Variants in MMP8 observed in about 807,000 individuals in gnomAD.
The protein encoded by MMP8 is matrix metallopeptidase 8, also known as neutrophil collagenase.
MMP8 carries 67 observed loss-of-function variants against 51.2 expected under a neutral mutation model. The observed-to-expected ratio is 1.31, with a 90% CI of 1.08 to 1.60. The LOEUF (loss-of-function observed/expected upper bound fraction) is 1.60. Among genes scored for constraint, MMP8 ranks in the 40% most tolerant of loss-of-function variants. MMP8 has a pLI of 0.00. For synonymous variants in MMP8, 225 were observed against 191.0 expected (o/e 1.18, Z -1.47); for missense variants, 654 against 558.1 (o/e 1.17, Z -1.73).
rs1402163068 is a variant in MMP8 at position 102,712,481 on chromosome 11, G to A, written c.*867C>T. 1 of 152,232 alleles carries A rather than the reference G, an allele frequency of 6.6e-6. No homozygotes were observed. Among genetic ancestry groups the A allele is most frequent in the Non-Finnish European group, 1.5e-5 (1 of 68,074 alleles). The allele number at this position is 152,232 out of a possible 1,614,324, so 9.4% of individuals were successfully genotyped here. On this transcript the variant is annotated 3_prime_UTR_variant, in exon 10 of 10. Coordinates refer to ENST00000236826, the MANE Select transcript of MMP8 (RefSeq NM_002424.3). ...AGGAAATTTATTCCCTCACGGTTTT[G>A]GAGGATAGAAGTCCGAATTCTGCAG... is the stretch of plus-strand genomic sequence containing the variant.
At chr11:102,722,912 G>T in intron 1 of MMP8, 2 of 1,085,704 alleles carry the variant, frequency 1.8e-6, no homozygotes, top group Non-Finnish European at 2.6e-6. Flanking sequence ...TAAGGGATGA[G>T]GATCACATCA....
intron 7 of MMP8, 89 bp downstream of exon 7, chr11:102,715,215 C>T (rs192319533): frequency 6.9e-5 from 102 of 1,470,056 alleles, no homozygotes; most frequent in Non-Finnish European, 9.1e-5. Flanking sequence ...CTGTCATTAG[C>T]TCACCATGAA....
chr11:102,721,890 G>A, intron 2 of MMP8, 128 bp from the exon 3 acceptor site: 2 of 1,084,464 alleles, frequency 1.8e-6, no homozygotes, highest in South Asian at 1.6e-5. Flanking sequence ...TAAGGAGGGA[G>A]TGCAGGTCTC....
rs370992388 is a variant in MMP8 at position 102,715,385 on chromosome 11, A to G, written c.955T>C (p.Ser319Pro). ...QLQRVEMNFI[S>P]LFWPSLPTGI... is the part of the protein sequence containing the mutation. ...GTTGGAAGGGATGGCCAGAATAGAGAAATAAAATTCATTTCGACTCTTTGT... is the reference window on the plus strand; with the variant it reads ...GTTGGAAGGGATGGCCAGAATAGAGGAATAAAATTCATTTCGACTCTTTGT... Residue 319 changes from serine (S) to proline (P), a missense_variant, in exon 7 of 10, where the codon TCT becomes CCT. Physicochemically the swap from Ser to Pro is moderately conservative, Grantham distance 74. Coordinates refer to ENST00000236826, the MANE Select transcript of MMP8 (RefSeq NM_002424.3). 23 of 1,613,608 alleles carry G rather than the reference A, an allele frequency of 1.4e-5. No homozygotes were observed. The African/African-American group carries it at 2.7e-4, about 19-fold the overall frequency.
Position 102,713,328 on chromosome 11 carries a change from C to A in MMP8, c.*20G>T, listed in dbSNP as rs1591669931. ...CCCTTCAACATTCTGAAAGTGGATA[C>A]AGCCACATTTGATTTTGCTTCAGCC... On this transcript the variant is annotated 3_prime_UTR_variant, in exon 10 of 10. Transcript: ENST00000236826. 6.5e-7 allele frequency: 1 copy of A among 1,535,100 alleles called. No homozygotes were observed. Among genetic ancestry groups the A allele is most frequent in the Non-Finnish European group, 9.0e-7 (1 of 1,108,724 alleles).
chr11:102,721,148 C>G (rs1254052960), intron 4 of MMP8, among the ~76,000 whole-genome samples: 2 of 152,080 alleles, frequency 1.3e-5, no homozygotes. Flanking sequence ...CAGGATTTGG[C>G]CGTAGTCTGT....
At position 102,713,782 on chromosome 11, in the gene MMP8, A is replaced by C. The variant is rs1299742620; in HGVS notation, c.1266T>G (p.Ser422Arg). ...SISGAFPGIE[S>R]KVDAVFQQEH... ...CTTGCTGGAAAACTGCATCAACTTTACTCTCTATTCCTGGAAAGGCACCTG... is the reference window on the plus strand; with the variant it reads ...CTTGCTGGAAAACTGCATCAACTTTCCTCTCTATTCCTGGAAAGGCACCTG... The change falls in exon 9 of 10, where the codon AGT becomes AGG. Residue 422 changes from serine (S) to arginine (R), a missense_variant. Physicochemically the swap from Ser to Arg is moderately radical, Grantham distance 110 (BLOSUM62 -1). Transcript: ENST00000236826. 1 of 1,608,340 alleles carries C rather than the reference A, an allele frequency of 6.2e-7. No homozygotes were observed. The highest frequency in any genetic ancestry group is 1.7e-5 in the Admixed American group (1 of 59,146).
rs1443210350 is a variant in MMP8, at chr11:102,715,404, T to C, written c.936A>G (p.Arg312=). ...ATAGAGAAATAAAATTCATTTCGAC[T>C]CTTTGTAGCTGAGGATGCCTTCTCC... The part of the protein sequence containing the change: ...YFWRRHPQLQ[R]VEMNFISLFW... The change falls in exon 7 of 10, where the codon AGA becomes AGG. Residue 312 remains arginine (R), a synonymous_variant. Transcript: ENST00000236826. 3 of 1,613,694 alleles carry C rather than the reference T, an allele frequency of 1.9e-6. No individual in the cohort carries two copies. Among genetic ancestry groups the C allele is most frequent in the Non-Finnish European group, 2.5e-6 (3 of 1,179,780 alleles).
In MMP8 at chr11:102,724,740, G is replaced by A. The variant is rs1383750688; in HGVS notation, c.102+14C>T. ...TCAGCAAATCAAACATCACCTAACTGATAGTTCATTTACCTGAACAGTTTT... is the reference window on the plus strand; with the variant it reads ...TCAGCAAATCAAACATCACCTAACTAATAGTTCATTTACCTGAACAGTTTT... On this transcript the variant is annotated intron_variant, in intron 1 of 9. Coordinates refer to ENST00000236826, the MANE Select transcript of MMP8 (RefSeq NM_002424.3). 1 of 1,576,164 alleles carries A rather than the reference G, an allele frequency of 6.3e-7. No homozygotes were observed. The highest frequency in any genetic ancestry group is 2.3e-5 in the East Asian group (1 of 44,126).
Position 102,718,584 on chromosome 11 carries a change from C to T in MMP8, c.623-9G>A. 6.2e-7 allele frequency: 1 copy of T among 1,613,714 alleles called. No homozygotes were observed. The highest frequency in any genetic ancestry group is 8.5e-7 in the Non-Finnish European group (1 of 1,179,756). ...AAGAAACAAGTTGTAATCTGAAATG[C>T]AAACACGGGTGGTAAACAGCTCAGT... is the stretch of plus-strand genomic sequence containing the variant. On this transcript the variant is annotated splice_polypyrimidine_tract_variant and intron_variant, in intron 4 of 9. Coordinates refer to ENST00000236826, the MANE Select transcript of MMP8 (RefSeq NM_002424.3).
At chr11:102,718,390 A>G (rs1457740286) in intron 5 of MMP8, 24 bp downstream of exon 5, 1 of 1,598,512 alleles carries the variant, frequency 6.3e-7, no homozygotes, top group Non-Finnish European at 8.5e-7. Context: ...ACCATGTACT[A>G]TGACTCTCTT....
Position 102,718,102 on chromosome 11 carries a change from ATCC to A in MMP8, c.784+309_784+311del, listed in dbSNP as rs1244494166. On this transcript the variant is annotated intron_variant, in intron 5 of 9. Transcript: ENST00000236826. Reference sequence around the variant, plus strand: ...AGCCTGGGCAACAGAGTGAGACTCCATCCCCCCCCCCAAAAAAAATTTAAAATT... The same window carrying A: ...AGCCTGGGCAACAGAGTGAGACTCCACCCCCCCCAAAAAAAATTTAAAATT... 2.4e-4 allele frequency among the ~76,000 whole-genome samples: 10 copies of A among 41,788 alleles called. No homozygotes were observed. The East Asian group carries it at 0.029, about 121-fold the overall frequency. The allele number at this position is 41,788 out of a possible 152,430, so 27.4% of individuals were successfully genotyped here. A position where few individuals can be genotyped will look rare whatever the true frequency, so the allele number is the denominator to read the frequency against.
At position 102,723,523 on chromosome 11, in the gene MMP8, G is replaced by A. The variant is rs761944146; in HGVS notation, c.103-850C>T. The A allele has an allele frequency of 9.8e-4, 445 of 456,020 alleles. 4 individuals carry two copies. Among genetic ancestry groups the A allele is most frequent in the Non-Finnish European group, 1.8e-4 (40 of 226,888 alleles). 28.2% of individuals were successfully genotyped at this position (456,020 alleles called of 1,614,324 possible). A position where few individuals can be genotyped will look rare whatever the true frequency, so the allele number is the denominator to read the frequency against. On this transcript the variant is annotated intron_variant, in intron 1 of 9. Transcript: ENST00000236826. ...GTCCAAGATCAGGTGGCTGCATCTG[G>A]TTGGCTTCTGAGATGGCCTTGTGCT...
intron 9 of MMP8, 101 bp downstream of exon 9, chr11:102,713,653 G>A: frequency 1.8e-6 from 2 of 1,122,990 alleles, no homozygotes; most frequent in Non-Finnish European, 2.6e-6. Flanking sequence ...ATTGCTTGAG[G>A]CCAGGAGTTT....
At chr11:102,718,332 A>T in intron 5 of MMP8, 82 bp downstream of exon 5, 1 of 1,385,844 alleles carries the variant, frequency 7.2e-7, no homozygotes, top group Non-Finnish European at 9.9e-7. Context: ...AGAAGTGCAA[A>T]GGAAGAGATA....
At position 102,714,792 on chromosome 11, in the gene MMP8, A is replaced by G; in HGVS notation, c.1037-83T>C. On this transcript the variant is annotated intron_variant, in intron 7 of 9. Transcript: ENST00000236826. ...TATATATATATATATATATATATAT[A>G]TATATATATATATACCACTTCTTGG... 1.1e-5 allele frequency: 3 copies of G among 263,928 alleles called. 1 individual carries two copies. The highest frequency in any genetic ancestry group is 2.0e-5 in the Non-Finnish European group (3 of 147,390). 16.3% of individuals were successfully genotyped at this position (263,928 alleles called of 1,614,324 possible).
In MMP8 at chr11:102,724,604, A is replaced by T. The variant is rs1565443294; in HGVS notation, c.102+150T>A. 4.7e-6 allele frequency: 3 copies of T among 632,874 alleles called. No individual in the cohort carries two copies. The East Asian group carries it at 9.8e-5, about 21-fold the overall frequency. 39.2% of individuals were successfully genotyped at this position (632,874 alleles called of 1,614,324 possible). A position where few individuals can be genotyped will look rare whatever the true frequency, so the allele number is the denominator to read the frequency against. ...AAGGCCTAGTCCTTACCAGCTTGGA[A>T]CCCTCCAAATCACTAAAAGGAGATG... On this transcript the variant is annotated intron_variant, in intron 1 of 9. Coordinates refer to ENST00000236826, the MANE Select transcript of MMP8 (RefSeq NM_002424.3).
rs1284106463 is a variant in MMP8, at chr11:102,715,366, A to G, written c.974T>C (p.Leu325Pro). Residue 325 changes from leucine (L) to proline (P), a missense_variant, in exon 7 of 10, where the codon CTT becomes CCT. By Grantham distance (98) the Leu-to-Pro change is moderately conservative. Transcript: ENST00000236826. The part of the protein sequence containing the change: ...MNFISLFWPS[L>P]PTGIQAAYED... ...ATAAGCAGCCTGTATACCAGTTGGA[A>G]GGGATGGCCAGAATAGAGAAATAAA... 1 of 1,613,750 alleles carries G rather than the reference A, an allele frequency of 6.2e-7. No homozygotes were observed. The highest frequency in any genetic ancestry group is 8.5e-7 in the Non-Finnish European group (1 of 1,179,790).
Position 102,721,758 on chromosome 11 carries a change from G to T in MMP8, c.352C>A (p.Arg118=). 3 of 1,613,372 alleles carry T rather than the reference G, an allele frequency of 1.9e-6. No homozygotes were observed. The highest frequency in any genetic ancestry group is 1.1e-5 in the South Asian group (1 of 91,034). ...TCTGACAGCTGTGGGGTATAGTTTC[G>T]AATCCTTCAAAATGAGAGGATGTAT... The part of the protein sequence containing the change: ...WERTNLTYRI[R]NYTPQLSEAE... The change falls in exon 3 of 10, where the codon CGA becomes AGA. Residue 118 remains arginine, a synonymous_variant. Transcript: ENST00000236826.
Sources: gnomAD v4.1 joint callset for allele counts (sites outside exome capture counted in the v4.1 genomes callset) on GRCh38, gnomAD v4.1.1 for gene constraint, MANE v1.5 for transcripts, NCBI Gene and HGNC (gene_info 2026-07-23, HGNC 2026-07-21) for gene names.